The following EIF4G3 variants were observed in gnomAD, a reference collection of about 807,000 sequenced individuals.
The protein encoded by EIF4G3 is eukaryotic translation initiation factor 4 gamma 3, also known as eIF-4-gamma 3.
In EIF4G3, 34 loss-of-function variants were observed where a neutral mutation model predicts 186.4. The observed-to-expected ratio is 0.18, with a 90% CI of 0.14 to 0.24. EIF4G3 has a LOEUF of 0.24. EIF4G3 is among the 10% of genes least tolerant of loss of function. The pLI, the probability that EIF4G3 is intolerant of heterozygous loss-of-function variation, is 1.00. For synonymous variants in EIF4G3, 673 were observed against 679.5 expected, an observed-to-expected ratio of 0.99 and a Z score of 0.15; for missense variants, 1,536 against 1,948.5, an observed-to-expected ratio of 0.79 and a Z score of 3.99.
chr1:21,142,338 A>T (rs1388428285), intron 2 of EIF4G3, among the ~76,000 whole-genome samples: 1 of 147,690 alleles, frequency 6.8e-6, no homozygotes, highest in Non-Finnish European at 1.5e-5. Context: ...CCACTCTACA[A>T]AAAAAAAAAA....
intron 18 of EIF4G3, among the ~76,000 whole-genome samples, chr1:20,890,836 G>A (rs1240122127): frequency 6.6e-6 from 1 of 152,140 alleles, no homozygotes; most frequent in African/African-American, 2.4e-5. Flanking sequence ...AGGTAAGCTG[G>A]GCAAATTAAG....
chr1:21,120,736 T>C (rs1038086827), intron 2 of EIF4G3, among the ~76,000 whole-genome samples: 1 of 152,034 alleles, frequency 6.6e-6, no homozygotes, highest in African/African-American at 2.4e-5. Flanking sequence ...AATTGATTGA[T>C]GGGGTTAAGA....
intron 3 of EIF4G3, among the ~76,000 whole-genome samples, chr1:21,059,250 T>A (rs1042058429): frequency 3.9e-5 from 6 of 152,268 alleles, no homozygotes; most frequent in African/African-American, 1.4e-4. Flanking sequence ...CAAAGTTCAA[T>A]TCTGGGTAGT....
chr1:20,895,341 C>T, intron 17 of EIF4G3, 27 bp downstream of exon 17: 3 of 1,599,244 alleles, frequency 1.9e-6, no homozygotes, highest in Non-Finnish European at 2.6e-6. Flanking sequence ...CCAAAAAGAA[C>T]TAGTTTTCTC....
In EIF4G3 at chr1:20,980,370, G is replaced by T; in HGVS notation, c.457C>A (p.Pro153Thr). 6.5e-7 allele frequency: 1 copy of T among 1,549,868 alleles called. No individual in the cohort carries two copies. The highest frequency in any genetic ancestry group is 1.2e-5 in the South Asian group (1 of 80,986). The change falls in exon 10 of 37, where the codon CCT becomes ACT. Residue 153 changes from proline (P) to threonine (T), a missense_variant. By Grantham distance (38) the Pro-to-Thr change is conservative. Around this residue, in one of 11 missense-constraint regions of EIF4G3, gnomAD observed 194 missense variants for 212.8 expected, o/e 0.91. Coordinates refer to ENST00000602326, the MANE Select transcript of EIF4G3 (RefSeq NM_001391906.1). ...VQPPGPGPFY[P>T]GPGPGDFPNA... The stretch of plus-strand genomic sequence containing the variant: ...GGGAAGTCCCCAGGTCCTGGTCCAG[G>T]ATAAAAAGGACCTGGCCCCGGTGGT...
chr1:20,813,385 A>G, intron 34 of EIF4G3, 146 bp from the exon 35 acceptor site: 1 of 349,870 alleles, frequency 2.9e-6, no homozygotes, highest in Non-Finnish European at 5.1e-6. Context: ...CAATATAGTA[A>G]GACCCTATCT....
intron 4 of EIF4G3, among the ~76,000 whole-genome samples, chr1:21,019,745 G>A (rs1445906195): frequency 1.3e-5 from 2 of 152,192 alleles, no homozygotes; most frequent in East Asian, 1.9e-4. Flanking sequence ...TTAGCTGGGC[G>A]TGGTGGCACA....
chr1:21,126,834 C>T (rs1044051135), intron 2 of EIF4G3, among the ~76,000 whole-genome samples: 6 of 151,874 alleles, frequency 4.0e-5, no homozygotes, highest in African/African-American at 1.5e-4. Flanking sequence ...ATGCTCAATT[C>T]CCTGATATAA....
intron 4 of EIF4G3, among the ~76,000 whole-genome samples, chr1:21,042,924 A>T (rs2093662604): frequency 1.3e-5 from 2 of 152,256 alleles, no homozygotes; most frequent in Non-Finnish European, 2.9e-5. Context: ...GCTGAACTGA[A>T]TTAGCAATTT....
intron 35 of EIF4G3, among the ~76,000 whole-genome samples, chr1:20,812,766 A>G (rs1378923049): frequency 6.6e-6 from 1 of 152,240 alleles, no homozygotes; most frequent in Non-Finnish European, 1.5e-5. Context: ...GTACTTATAT[A>G]ACATGACTTT....
In EIF4G3 at chr1:20,813,209, G is replaced by A. The variant is rs746307703; in HGVS notation, c.4546C>T (p.Pro1516Ser). 10 of 1,613,608 alleles carry A rather than the reference G, an allele frequency of 6.2e-6. No individual in the cohort carries two copies. The African/African-American group carries it at 9.3e-5, about 15-fold the overall frequency. The part of the protein sequence containing the change: ...ANLDEIQMSS[P>S]TFLRALMTAV... The stretch of plus-strand genomic sequence containing the variant: ...GTCATTAAAGCTCTAAGGAATGTAG[G>A]TGAACTCATCTGGATTTCGTCTAGA... Residue 1516 changes from proline to serine, a missense_variant, in exon 35 of 37, where the codon CCT becomes TCT. Transcript: ENST00000602326.
chr1:21,006,356 T>C (rs980908622), intron 4 of EIF4G3, among the ~76,000 whole-genome samples: 16 of 152,186 alleles, frequency 1.1e-4, no homozygotes, highest in Admixed American at 7.9e-4. Flanking sequence ...AAGGATCATT[T>C]CAATAATAAT....
intron 36 of EIF4G3, 33 bp from the exon 37 acceptor site, chr1:20,807,533 G>A: frequency 6.5e-7 from 1 of 1,533,636 alleles, no homozygotes; most frequent in South Asian, 1.2e-5. Flanking sequence ...TATAAGCTTT[G>A]GGACACTGTA....
At chr1:20,865,533 A>G (rs1364467545) in intron 20 of EIF4G3, among the ~76,000 whole-genome samples, 5 of 152,006 alleles carry the variant, frequency 3.3e-5, no homozygotes, top group East Asian at 3.9e-4. Flanking sequence ...CATTGCAACT[A>G]TAACTCTGAA....
chr1:20,916,400 T>C (rs549950846), intron 14 of EIF4G3, among the ~76,000 whole-genome samples: 4 of 151,508 alleles, frequency 2.6e-5, no homozygotes, highest in African/African-American at 9.7e-5. Context: ...TGAGCCGAGA[T>C]CGTGCCATTG....
intron 14 of EIF4G3, among the ~76,000 whole-genome samples, chr1:20,920,201 C>T (rs886692227): frequency 3.9e-5 from 6 of 152,202 alleles, no homozygotes; most frequent in South Asian, 2.1e-4. Flanking sequence ...TCACTGCGTC[C>T]GGTCGAGATA....
intron 4 of EIF4G3, among the ~76,000 whole-genome samples, chr1:21,041,046 G>T (rs1487902159): frequency 2.0e-5 from 3 of 151,884 alleles, no homozygotes; most frequent in Non-Finnish European, 4.4e-5. Context: ...CGTGATTCTG[G>T]GGGATGCCTG....
In EIF4G3 at chr1:21,040,536, C is replaced by T. The variant is rs1264700106; in HGVS notation, c.-67+10330G>A. ...CCAGTCAGTCAAAAGTTCCAGAGGC[C>T]GGGACGTATGGCTGGTATCTGAAGG... On this transcript the variant is annotated intron_variant, in intron 4 of 36. Transcript: ENST00000602326. 7.2e-5 allele frequency among the ~76,000 whole-genome samples: 11 copies of T among 152,048 alleles called. No homozygotes were observed. The South Asian group carries it at 1.2e-3, about 17-fold the overall frequency.
chr1:21,028,410 G>A (rs990735260), intron 4 of EIF4G3, among the ~76,000 whole-genome samples: 1 of 152,138 alleles, frequency 6.6e-6, no homozygotes, highest in African/African-American at 2.4e-5. Context: ...TCAAAATGCA[G>A]ACACCAGTGA....
Sources: gnomAD v4.1 joint callset for allele counts (sites outside exome capture counted in the v4.1 genomes callset) on GRCh38, gnomAD v4.1.1 for gene constraint, gnomAD v4.1.1 regional missense constraint, MANE v1.5 for transcripts, NCBI Gene and HGNC (gene_info 2026-07-23, HGNC 2026-07-21) for gene names.